ARHGAP31: variants seen among roughly 807,000 people sequenced by gnomAD.
ARHGAP31 encodes Rho GTPase activating protein 31.
In ARHGAP31, 34 loss-of-function variants were observed where a neutral mutation model predicts 113.9. That is an observed-to-expected ratio of 0.30 (90% CI 0.23 to 0.40). The LOEUF (loss-of-function observed/expected upper bound fraction) is 0.40. Ranked by LOEUF, ARHGAP31 falls within the 10% of genes least tolerant of loss-of-function variation. The probability of loss-of-function intolerance (pLI) is 1.00; values close to 1 mark genes in which losing one functional copy is unlikely to be tolerated. For missense variants in ARHGAP31, 1,548 were observed against 1,767.1 expected (o/e 0.88, Z 2.22); for synonymous variants, 650 against 684.8 (o/e 0.95, Z 0.79).
intron 4 of ARHGAP31, among the ~76,000 whole-genome samples, chr3:119,381,908 C>T (rs922792107): frequency 1.3e-5 from 2 of 151,314 alleles, no homozygotes; most frequent in Non-Finnish European, 2.9e-5. Context: ...ATGGCGTGAA[C>T]CCGGGAGGCG....
Position 119,383,330 on chromosome 3 carries a change from G to A in ARHGAP31, c.682+104G>A. On this transcript the variant is annotated intron_variant, in intron 6 of 11. Coordinates refer to ENST00000264245, the MANE Select transcript of ARHGAP31 (RefSeq NM_020754.4). ...AGGGTGGGCTTAGTTCTAGCTCTGA[G>A]TGTTGGCTGTGTGTATGCTGACTAC... is the stretch of plus-strand genomic sequence containing the variant. The A allele has an allele frequency of 5.6e-6, 8 of 1,439,436 alleles. No homozygotes were observed. The Admixed American group carries it at 1.3e-4, about 24-fold the overall frequency. The allele number at this position is 1,439,436 out of a possible 1,614,324, so 89.2% of individuals were successfully genotyped here. A position where few individuals can be genotyped will look rare whatever the true frequency, so the allele number is the denominator to read the frequency against.
chr3:119,347,260 A>C (rs2080068831), intron 1 of ARHGAP31, among the ~76,000 whole-genome samples: 1 of 152,204 alleles, frequency 6.6e-6, no homozygotes, highest in Admixed American at 6.5e-5. Flanking sequence ...GGGACAAGGA[A>C]ATTACCGGAC....
chr3:119,344,811 A>G (rs1239706402), intron 1 of ARHGAP31, among the ~76,000 whole-genome samples: 2 of 151,954 alleles, frequency 1.3e-5, no homozygotes, highest in South Asian at 2.1e-4. Context: ...TTACCACCCT[A>G]TGAGGTAGAT....
At chr3:119,295,596 C>T (rs2079527814) in intron 1 of ARHGAP31, among the ~76,000 whole-genome samples, 1 of 152,078 alleles carries the variant, frequency 6.6e-6, no homozygotes, top group South Asian at 2.1e-4. Context: ...CAACCCCCTC[C>T]CCGCCCTGCA....
At chr3:119,295,465 T>G in intron 1 of ARHGAP31, among the ~76,000 whole-genome samples, 1 of 115,458 alleles carries the variant, frequency 8.7e-6, no homozygotes, top group East Asian at 2.8e-4. Flanking sequence ...TTTTTATTAA[T>G]GTGTTAGAAG....
intron 1 of ARHGAP31, among the ~76,000 whole-genome samples, chr3:119,345,266 G>A (rs1001094395): frequency 7.2e-5 from 11 of 152,238 alleles, no homozygotes; most frequent in South Asian, 2.1e-4. Flanking sequence ...GATTATAGGC[G>A]TGTGCCACCA....
At chr3:119,388,759 G>T (rs1218498505) in intron 6 of ARHGAP31, among the ~76,000 whole-genome samples, 5 of 152,156 alleles carry the variant, frequency 3.3e-5, no homozygotes, top group African/African-American at 1.2e-4. Context: ...GGCACTGGGT[G>T]GTCCGTGGTG....
rs148151848 is a variant in ARHGAP31 at position 119,329,668 on chromosome 3, C to A, written c.100+34664C>A. On this transcript the variant is annotated intron_variant, in intron 1 of 11. Transcript: ENST00000264245. ...TCTCACAGGGCCTTCCCACCCCCAGCCAGCTGTATCCAAGGTTACAGTGGG... is the reference window on the plus strand; with the variant it reads ...TCTCACAGGGCCTTCCCACCCCCAGACAGCTGTATCCAAGGTTACAGTGGG... Among the ~76,000 whole-genome samples the A allele has an allele frequency of 1.8e-3, 272 of 152,352 alleles. 1 individual carries two copies. Among genetic ancestry groups the A allele is most frequent in the African/African-American group, 6.3e-3 (263 of 41,584 alleles).
intron 9 of ARHGAP31, among the ~76,000 whole-genome samples, chr3:119,401,133 T>C (rs1197082970): frequency 6.7e-6 from 1 of 148,634 alleles, no homozygotes; most frequent in East Asian, 2.0e-4. Context: ...ATCACGACAC[T>C]GCACTCCAGC....
At chr3:119,412,642 G>C in intron 11 of ARHGAP31, among the ~76,000 whole-genome samples, 1 of 152,130 alleles carries the variant, frequency 6.6e-6, no homozygotes. Flanking sequence ...GGGGAGTAAG[G>C]ATGTATGATT....
intron 3 of ARHGAP31, among the ~76,000 whole-genome samples, chr3:119,371,168 CTT>C (rs973954891): frequency 1.3e-5 from 2 of 152,136 alleles, no homozygotes; most frequent in African/African-American, 4.8e-5. Flanking sequence ...CTGAATCAGT[CTT>C]ATTTCTTTTA....
intron 9 of ARHGAP31, among the ~76,000 whole-genome samples, chr3:119,401,433 C>T (rs1422353480): frequency 6.6e-6 from 1 of 152,168 alleles, no homozygotes. Context: ...TTGTCTTCTT[C>T]ATTTTGAGCA....
At chr3:119,312,217 G>A (rs1425365299) in intron 1 of ARHGAP31, among the ~76,000 whole-genome samples, 1 of 152,196 alleles carries the variant, frequency 6.6e-6, no homozygotes, top group East Asian at 1.9e-4. Context: ...AGAAAAAATT[G>A]GACCCCCATC....
At chr3:119,301,408 T>C (rs1288511215) in intron 1 of ARHGAP31, among the ~76,000 whole-genome samples, 1 of 152,192 alleles carries the variant, frequency 6.6e-6, no homozygotes, top group Non-Finnish European at 1.5e-5. Flanking sequence ...ATGTTGAAAC[T>C]AGGAACACAT....
At chr3:119,385,206 G>A (rs1302897100) in intron 6 of ARHGAP31, among the ~76,000 whole-genome samples, 1 of 151,684 alleles carries the variant, frequency 6.6e-6, no homozygotes. Context: ...AGGATTACAG[G>A]TGTGAACCAC....
intron 2 of ARHGAP31, among the ~76,000 whole-genome samples, chr3:119,365,940 A>T (rs1299789747): frequency 2.6e-5 from 4 of 152,214 alleles, no homozygotes; most frequent in African/African-American, 9.6e-5. Context: ...AAAAATAAAA[A>T]ATAATAAAAA....
Position 119,354,887 on chromosome 3 carries a change from AT to A in ARHGAP31, c.101-10420del, listed in dbSNP as rs566017750. ...TTTTAATTTTTCAAACTTTTTTGCT[AT>A]TTTTTTTTCAAAAGGAACTTAAAAA... On this transcript the variant is annotated intron_variant, in intron 1 of 11. Coordinates refer to ENST00000264245, the MANE Select transcript of ARHGAP31 (RefSeq NM_020754.4). Among the ~76,000 whole-genome samples, 135 of 149,076 alleles carry A rather than the reference AT, an allele frequency of 9.1e-4. 1 individual carries two copies. Among genetic ancestry groups the A allele is most frequent in the African/African-American group, 1.6e-3 (66 of 40,512 alleles).
intron 10 of ARHGAP31, among the ~76,000 whole-genome samples, chr3:119,405,261 C>T (rs760198673): frequency 6.6e-6 from 1 of 152,104 alleles, no homozygotes; most frequent in African/African-American, 2.4e-5. Flanking sequence ...ACAGGCTAAG[C>T]TGCTATAATA....
intron 2 of ARHGAP31, 95 bp downstream of exon 2, chr3:119,365,513 G>GT (rs2080246202): frequency 9.3e-7 from 1 of 1,069,680 alleles, no homozygotes; most frequent in Non-Finnish European, 1.4e-6. Flanking sequence ...AAAACCCAAA[G>GT]GAACTGAGGG....
Sources: allele counts gnomAD v4.1 joint callset (sites outside exome capture counted in the v4.1 genomes callset), GRCh38; gene constraint gnomAD v4.1.1; transcripts MANE v1.5; gene names NCBI Gene and HGNC (gene_info 2026-07-23, HGNC 2026-07-21).